Variants in TOE1 observed in about 807,000 individuals in gnomAD.
TOE1 encodes the protein target of EGR1, exonuclease, also known as target of EGR1 protein 1.
TOE1 carries 50 observed loss-of-function variants against 49.2 expected under a neutral mutation model. That is an observed-to-expected ratio of 1.02 (90% CI 0.81 to 1.29). The LOEUF (loss-of-function observed/expected upper bound fraction) is 1.29, where lower values mean the gene tolerates loss of function less well. TOE1 is among the 50% of genes most tolerant of loss of function. TOE1 has a pLI of 0.00. For synonymous variants in TOE1, 221 were observed against 247.0 expected (o/e 0.89, Z 0.99); for missense variants, 544 against 654.4 (o/e 0.83, Z 1.84).
In TOE1 at chr1:45,343,078, C is replaced by T. The variant is rs1319211878; in HGVS notation, c.913-4C>T. The T allele has an allele frequency of 3.1e-6, 5 of 1,613,478 alleles. No individual in the cohort carries two copies. The highest frequency in any genetic ancestry group is 2.7e-5 in the African/African-American group (2 of 74,854). On this transcript the variant is annotated splice_polypyrimidine_tract_variant and splice_region_variant and intron_variant, in intron 7 of 7. Coordinates refer to ENST00000372090, the MANE Select transcript of TOE1 (RefSeq NM_025077.4). This position sits in a 1 kb window ranked among gnomAD's most constrained non-coding sequence, Gnocchi z 4.3. ...CTCTTTCTAAGCCTCTTTCCCACCC[C>T]TAGGCTTATGGCTGGTGCCCCCTGG... is the stretch of plus-strand genomic sequence containing the variant.
intron 1 of TOE1, 49 bp from the exon 2 acceptor site, chr1:45,341,024 C>T: frequency 6.2e-7 from 1 of 1,612,152 alleles, no homozygotes; most frequent in Non-Finnish European, 8.5e-7. Context: ...GTCTGTTCCC[C>T]TGGGCTCTTT....
chr1:45,342,482 G>A lies in TOE1; in HGVS notation c.591G>A (p.Val197=). 1 of 1,614,166 alleles carries A rather than the reference G, an allele frequency of 6.2e-7. No individual in the cohort carries two copies. The highest frequency in any genetic ancestry group is 8.5e-7 in the Non-Finnish European group (1 of 1,180,020). ...LVLHNGLIDL[V]FLYQNFYAHL... is the part of the protein sequence containing the mutation. ...TACACAATGGCCTTATAGACTTGGT[G>A]TTCCTGTACCAGAACTTCTATGCAC... Residue 197 remains valine, a synonymous_variant, in exon 6 of 8, where the codon GTG becomes GTA. Transcript: ENST00000372090.
In TOE1 at chr1:45,342,209, A is replaced by G. The variant is rs1647038442; in HGVS notation, c.492+102A>G. 5.9e-6 allele frequency: 9 copies of G among 1,516,026 alleles called. No homozygotes were observed. The South Asian group carries it at 1.1e-4, about 19-fold the overall frequency. 93.9% of individuals were successfully genotyped at this position (1,516,026 alleles called of 1,614,324 possible). The stretch of plus-strand genomic sequence containing the variant: ...GGGGAGAATCTGCTTCTTAGGGAGT[A>G]TGGGGAATCACTAGTGACAGGGCTT... On this transcript the variant is annotated intron_variant, in intron 5 of 7. Coordinates refer to ENST00000372090, the MANE Select transcript of TOE1 (RefSeq NM_025077.4).
rs1182746752 is a variant in TOE1, at chr1:45,343,158, C to T, written c.989C>T (p.Ala330Val). 1 of 1,613,824 alleles carries T rather than the reference C, an allele frequency of 6.2e-7. No individual in the cohort carries two copies. Among genetic ancestry groups the T allele is most frequent in the Non-Finnish European group, 8.5e-7 (1 of 1,180,022 alleles). The change falls in exon 8 of 8, where the codon GCT becomes GTT. Residue 330 changes from alanine to valine, a missense_variant. Ala to Val is a moderately conservative substitution (Grantham distance 64). Coordinates refer to ENST00000372090, the MANE Select transcript of TOE1 (RefSeq NM_025077.4). This position sits in a 1 kb window ranked among gnomAD's most constrained non-coding sequence, Gnocchi z 4.3. The part of the protein sequence containing the change: ...DIDLIIDTDE[A>V]AAEDKRRRRR... ...GACCTTATCATTGACACTGATGAGG[C>T]TGCGGCAGAGGACAAGCGGCGACGG...
chr1:45,342,578 C>T lies in TOE1; in HGVS notation c.687C>T (p.Thr229=). Residue 229 remains threonine (T), a synonymous_variant, in exon 6 of 8, where the codon ACC becomes ACT. Coordinates refer to ENST00000372090, the MANE Select transcript of TOE1 (RefSeq NM_025077.4). ...CEMFPAGIYD[T]KYAAEFHARF... Reference sequence around the variant, plus strand: ...TGTTCCCAGCAGGCATTTATGACACCAAATATGCTGCTGAGTTTCATGCCC... The same window carrying T: ...TGTTCCCAGCAGGCATTTATGACACTAAATATGCTGCTGAGTTTCATGCCC... 1.9e-6 allele frequency: 3 copies of T among 1,614,160 alleles called. No individual in the cohort carries two copies. Among genetic ancestry groups the T allele is most frequent in the Non-Finnish European group, 2.5e-6 (3 of 1,180,034 alleles).
At position 45,341,165 on chromosome 1, in the gene TOE1, C is replaced by G. The variant is rs761675700; in HGVS notation, c.145C>G (p.Pro49Ala). The G allele has an allele frequency of 6.2e-7, 1 of 1,614,186 alleles. No homozygotes were observed. Among genetic ancestry groups the G allele is most frequent in the East Asian group, 2.2e-5 (1 of 44,886 alleles). Residue 49 changes from proline (P) to alanine (A), a missense_variant, in exon 2 of 8, where the codon CCA becomes GCA. Transcript: ENST00000372090. ...AAGCAACAACTTCAAGGAGATGTGGCCATCCCTCCTGCTAGCCATAAAGAC... is the reference window on the plus strand; with the variant it reads ...AAGCAACAACTTCAAGGAGATGTGGGCATCCCTCCTGCTAGCCATAAAGAC... ...VQSNNFKEMW[P>A]SLLLAIKTAN... is the part of the protein sequence containing the mutation.
chr1:45,341,310 G>C lies in TOE1; in HGVS notation c.203G>C (p.Ser68Thr). Residue 68 changes from serine to threonine, a missense_variant, in exon 3 of 8, where the codon AGT (serine) becomes ACT (threonine). By Grantham distance (58) the Ser-to-Thr change is moderately conservative. Transcript: ENST00000372090. ...CCCTTTACCTACCCACAGGAGCTGA[G>C]TGGGCTTGGGGACAGGAAGAGTTTG... Reference protein sequence around the residue: ...ANFVAVDTELSGLGDRKSLLN... With the variant: ...ANFVAVDTELTGLGDRKSLLN... 1 of 1,614,234 alleles carries C rather than the reference G, an allele frequency of 6.2e-7. No homozygotes were observed. The highest frequency in any genetic ancestry group is 8.5e-7 in the Non-Finnish European group (1 of 1,180,050).
Position 45,343,046 on chromosome 1 carries a change from C to G in TOE1, c.913-36C>G. On this transcript the variant is annotated intron_variant, in intron 7 of 7. Coordinates refer to ENST00000372090, the MANE Select transcript of TOE1 (RefSeq NM_025077.4). The surrounding 1 kb of genome is among the most constrained non-coding windows in gnomAD (Gnocchi z 4.3). Reference sequence around the variant, plus strand: ...TTCTTGGGAGGGAAGGTTCTGATGCCTGGAGCCTCTTTCTAAGCCTCTTTC... The same window carrying G: ...TTCTTGGGAGGGAAGGTTCTGATGCGTGGAGCCTCTTTCTAAGCCTCTTTC... The G allele has an allele frequency of 6.2e-7, 1 of 1,613,462 alleles. No homozygotes were observed. The highest frequency in any genetic ancestry group is 8.5e-7 in the Non-Finnish European group (1 of 1,179,660).
Position 45,343,540 on chromosome 1 carries a change from C to G in TOE1, c.1371C>G (p.Ser457Arg). 6.2e-7 allele frequency: 1 copy of G among 1,613,972 alleles called. No individual in the cohort carries two copies. The highest frequency in any genetic ancestry group is 1.1e-5 in the South Asian group (1 of 91,078). ...TGYVMAYVEV[S>R]QGPQPCSSGP... ...ATGTGATGGCCTATGTGGAAGTGAG[C>G]CAGGGACCGCAGCCCTGCAGCTCTG... Residue 457 changes from serine (S) to arginine (R), a missense_variant, in exon 8 of 8, where the codon AGC (serine) becomes AGG (arginine). Ser to Arg is a moderately radical substitution (Grantham distance 110). Coordinates refer to ENST00000372090, the MANE Select transcript of TOE1 (RefSeq NM_025077.4). The surrounding 1 kb of genome is among the most constrained non-coding windows in gnomAD (Gnocchi z 4.3).
In TOE1 at chr1:45,341,544, C is replaced by T. The variant is rs1412057657; in HGVS notation, c.308C>T (p.Ala103Val). Residue 103 changes from alanine (A) to valine (V), a missense_variant, in exon 4 of 8, where the codon GCC (alanine) becomes GTC (valine). Physicochemically the swap from Ala to Val is moderately conservative, Grantham distance 64. Coordinates refer to ENST00000372090, the MANE Select transcript of TOE1 (RefSeq NM_025077.4). ...RTRSILSLGL[A>V]CFKRQPDKGE... Reference sequence around the variant, plus strand: ...CGTTCTATCCTTTCCCTGGGCCTCGCCTGCTTCAAGCGGCAGCCAGACAAG... The same window carrying T: ...CGTTCTATCCTTTCCCTGGGCCTCGTCTGCTTCAAGCGGCAGCCAGACAAG... The T allele has an allele frequency of 2.5e-6, 4 of 1,613,922 alleles. No homozygotes were observed. Among genetic ancestry groups the T allele is most frequent in the South Asian group, 1.1e-5 (1 of 91,026 alleles).
At position 45,343,178 on chromosome 1, in the gene TOE1, C is replaced by T. The variant is rs746239004; in HGVS notation, c.1009C>T (p.Arg337Ter). 24 of 1,613,650 alleles carry T rather than the reference C, an allele frequency of 1.5e-5. No individual in the cohort carries two copies. In the East Asian group the frequency reaches 1.8e-4, roughly 12 times the overall value. Reference protein sequence around the residue: ...TDEAAAEDKRRRRRRREKRKR... With the variant: ...TDEAAAEDKR Reference sequence around the variant, plus strand: ...TGAGGCTGCGGCAGAGGACAAGCGGCGACGGCGACGACGTAGGGAAAAACG... The same window carrying T: ...TGAGGCTGCGGCAGAGGACAAGCGGTGACGGCGACGACGTAGGGAAAAACG... The change falls in exon 8 of 8, where the codon CGA becomes TGA. Residue 337 changes from arginine (R) to a stop codon, truncating the protein, a stop_gained. Transcript: ENST00000372090. LOFTEE classifies it high-confidence loss of function. This position sits in a 1 kb window ranked among gnomAD's most constrained non-coding sequence, Gnocchi z 4.3.
Position 45,342,112 on chromosome 1 carries a change from G to T in TOE1, c.492+5G>T, listed in dbSNP as rs200132965. 1.2e-6 allele frequency: 2 copies of T among 1,613,460 alleles called. No individual in the cohort carries two copies. The highest frequency in any genetic ancestry group is 2.7e-5 in the African/African-American group (2 of 75,020). ...TACCATAAGGGCAATGACAAGGTAG[G>T]CCTCTAGCCTCCCTAGCCTTGAGTC... On this transcript the variant is annotated splice_donor_5th_base_variant and intron_variant, in intron 5 of 7. Transcript: ENST00000372090.
intron 1 of TOE1, 187 bp downstream of exon 1, chr1:45,340,491 A>C (rs1181210307): frequency 1.4e-6 from 2 of 1,450,014 alleles, no homozygotes; most frequent in Non-Finnish European, 1.8e-6. Context: ...GAGCGTTGGG[A>C]GCATGGGGCT....
At chr1:45,341,850 C>A in intron 4 of TOE1, 99 bp from the exon 5 acceptor site, 1 of 1,317,588 alleles carries the variant, frequency 7.6e-7, no homozygotes, top group Non-Finnish European at 1.1e-6. Flanking sequence ...ATCCTTTCCC[C>A]CCTGAGTCCC....
At chr1:45,341,855 A>C in intron 4 of TOE1, 94 bp from the exon 5 acceptor site, 1 of 1,342,396 alleles carries the variant, frequency 7.4e-7, no homozygotes. Context: ...TTCCCCCCTG[A>C]GTCCCCAGAG....
At chr1:45,341,026 G>T in intron 1 of TOE1, 47 bp from the exon 2 acceptor site, 1 of 1,612,180 alleles carries the variant, frequency 6.2e-7, no homozygotes. Flanking sequence ...CTGTTCCCCT[G>T]GGCTCTTTCC....
chr1:45,343,474 T>G lies in TOE1; in HGVS notation c.1305T>G (p.Asp435Glu), dbSNP rs1256160995. Residue 435 changes from aspartate (D) to glutamate (E), a missense_variant, in exon 8 of 8, where the codon GAT (aspartate) becomes GAG (glutamate). By Grantham distance (45) the Asp-to-Glu change is conservative. Coordinates refer to ENST00000372090, the MANE Select transcript of TOE1 (RefSeq NM_025077.4). This position sits in a 1 kb window ranked among gnomAD's most constrained non-coding sequence, Gnocchi z 4.3. ...SQASPNPVPG[D>E]GLHRAGFDAF... ...CCAGTCCTAACCCAGTGCCTGGGGA[T>G]GGATTGCACCGGGCTGGTTTTGATG... is the stretch of plus-strand genomic sequence containing the variant. The G allele has an allele frequency of 1.2e-6, 2 of 1,614,190 alleles. No individual in the cohort carries two copies. Among genetic ancestry groups the G allele is most frequent in the East Asian group, 2.2e-5 (1 of 44,880 alleles).
In TOE1 at chr1:45,340,296, C is replaced by A. The variant is rs1235599924; in HGVS notation, c.44C>A (p.Ala15Asp). The change falls in exon 1 of 8, where the codon GCT becomes GAT. Residue 15 changes from alanine (A) to aspartate (D), a missense_variant. By Grantham distance (126) the Ala-to-Asp change is moderately radical. Transcript: ENST00000372090. ...SDDGAVSAPA[A>D]SDGGVSKSTT... ...GATGGCGCAGTTTCAGCTCCCGCAGCTTCCGACGGTGAGCGGCTTCCCAGA... is the reference window on the plus strand; with the variant it reads ...GATGGCGCAGTTTCAGCTCCCGCAGATTCCGACGGTGAGCGGCTTCCCAGA... The A allele has an allele frequency of 1.2e-6, 2 of 1,613,234 alleles. No individual in the cohort carries two copies. The highest frequency in any genetic ancestry group is 8.5e-7 in the Non-Finnish European group (1 of 1,179,848).
chr1:45,341,662 C>T, intron 4 of TOE1, 93 bp downstream of exon 4: 4 of 1,183,372 alleles, frequency 3.4e-6, no homozygotes, highest in East Asian at 2.6e-5. Flanking sequence ...ATTTCTCTCC[C>T]AAATCTTTTT....
Sources: allele counts gnomAD v4.1 joint callset, GRCh38; gene constraint gnomAD v4.1.1; non-coding constraint Gnocchi (gnomAD v3.1); transcripts MANE v1.5; gene names NCBI Gene and HGNC (gene_info 2026-07-23, HGNC 2026-07-21).